Variants in MOV10L1 observed in about 807,000 individuals in gnomAD.
MOV10L1 encodes the protein Mov10 like RNA helicase 1, also known as RNA helicase Mov10l1.
Under a neutral mutation model 143.8 loss-of-function variants are expected in MOV10L1, and 110 were observed. That is an observed-to-expected ratio of 0.76 (90% CI 0.66 to 0.90). The LOEUF (loss-of-function observed/expected upper bound fraction) is 0.90, where lower values mean the gene tolerates loss of function less well. MOV10L1 is among the 40% of genes least tolerant of loss of function. MOV10L1 has a pLI of 0.00. For synonymous variants in MOV10L1, 593 were observed against 581.1 expected (o/e 1.02, Z -0.29); for missense variants, 1,406 against 1,526.8 (o/e 0.92, Z 1.32).
chr22:50,090,597 C>G, intron 1 of MOV10L1: 1 of 1,509,814 alleles, frequency 6.6e-7, no homozygotes, highest in East Asian at 2.4e-5. Flanking sequence ...GTGCCATTTC[C>G]TTGTCTGGTT....
At chr22:50,098,090 A>G (rs902950493) in intron 2 of MOV10L1, among the ~76,000 whole-genome samples, 10 of 151,848 alleles carry the variant, frequency 6.6e-5, no homozygotes, top group Admixed American at 3.9e-4. Context: ...ACCTGCCTCA[A>G]CCTCCCAAAG....
At chr22:50,144,650 C>T (rs374936068) in intron 18 of MOV10L1, among the ~76,000 whole-genome samples, 6 of 150,832 alleles carry the variant, frequency 4.0e-5, no homozygotes, top group Non-Finnish European at 8.9e-5. Context: ...GGCATGATCT[C>T]GGCTCACTGC....
At position 50,150,615 on chromosome 22, in the gene MOV10L1, G is replaced by T. The variant is rs568483968; in HGVS notation, c.2728-120G>T. On this transcript the variant is annotated intron_variant, in intron 20 of 26. Coordinates refer to ENST00000262794, the MANE Select transcript of MOV10L1 (RefSeq NM_018995.3). ...CCCTGGTCTCCCAGTCCCTCCCGTC[G>T]TCCCCTGCAGCAAGAGTGAGCATGG... 3 of 1,151,660 alleles carry T rather than the reference G, an allele frequency of 2.6e-6. No homozygotes were observed. The Admixed American group carries it at 7.0e-5, about 27-fold the overall frequency. The allele number at this position is 1,151,660 out of a possible 1,614,324, so 71.3% of individuals were successfully genotyped here.
chr22:50,150,353 G>A (rs1440505937), intron 20 of MOV10L1, among the ~76,000 whole-genome samples: 2 of 152,218 alleles, frequency 1.3e-5, no homozygotes, highest in African/African-American at 4.8e-5. Flanking sequence ...AGGGCGGCCT[G>A]ACCAGGTCAA....
chr22:50,108,279 G>A, intron 4 of MOV10L1, 31 bp downstream of exon 4: 2 of 1,576,036 alleles, frequency 1.3e-6, no homozygotes, highest in South Asian at 2.3e-5. Context: ...TCCTCTCTGT[G>A]CTTCTGGCAG....
chr22:50,111,703 C>T (rs188941366), intron 5 of MOV10L1, among the ~76,000 whole-genome samples: 363 of 151,982 alleles, frequency 2.4e-3, no homozygotes, highest in Non-Finnish European at 4.2e-3. Context: ...CGGGGTTTCA[C>T]CGTGTTAGCC....
intron 26 of MOV10L1, 52 bp downstream of exon 26, chr22:50,161,107 C>A: frequency 6.4e-7 from 1 of 1,551,290 alleles, no homozygotes; most frequent in South Asian, 1.1e-5. Flanking sequence ...AGAACGTGCT[C>A]TAGCCTGCCC....
intron 2 of MOV10L1, among the ~76,000 whole-genome samples, chr22:50,098,190 C>A (rs1157554954): frequency 1.0e-5 from 1 of 95,962 alleles, no homozygotes; most frequent in South Asian, 3.8e-4. Context: ...ATAATTAAGT[C>A]TAAGATTGTC....
chr22:50,148,669 T>C (rs1039835632), intron 19 of MOV10L1, among the ~76,000 whole-genome samples: 5 of 151,350 alleles, frequency 3.3e-5, no homozygotes, highest in African/African-American at 1.2e-4. Context: ...TTTTCTTTTT[T>C]TTTTTTTTTT....
Position 50,120,674 on chromosome 22 carries a change from G to T in MOV10L1, c.1569+58G>T, listed in dbSNP as rs2062314157. 3.2e-6 allele frequency: 4 copies of T among 1,254,516 alleles called. No individual in the cohort carries two copies. The Admixed American group carries it at 7.8e-5, about 24-fold the overall frequency. 77.7% of individuals were successfully genotyped at this position (1,254,516 alleles called of 1,614,324 possible). ...GCATCTTCTAATGCTCTTGTTTTCTGACAAAGCCAGGAGGTTCCTTCTCAG... is the reference window on the plus strand; with the variant it reads ...GCATCTTCTAATGCTCTTGTTTTCTTACAAAGCCAGGAGGTTCCTTCTCAG... On this transcript the variant is annotated intron_variant, in intron 10 of 26. Transcript: ENST00000262794.
Position 50,090,158 on chromosome 22 carries a change from G to C in MOV10L1, c.70G>C (p.Gly24Arg). 7.0e-7 allele frequency: 1 copy of C among 1,420,438 alleles called. No individual in the cohort carries two copies. The highest frequency in any genetic ancestry group is 9.2e-7 in the Non-Finnish European group (1 of 1,089,040). The allele number at this position is 1,420,438 out of a possible 1,614,324, so 88.0% of individuals were successfully genotyped here. A position where few individuals can be genotyped will look rare whatever the true frequency, so the allele number is the denominator to read the frequency against. The change falls in exon 1 of 27, where the codon GGG (glycine) becomes CGG (arginine). Residue 24 changes from glycine to arginine, a missense_variant. By Grantham distance (125) the Gly-to-Arg change is moderately radical. Transcript: ENST00000262794. ...GGCGGACACCCCTAGGGAGGAAGCC[G>C]GGCAGCTGGAGCCCGAGCTCGCGGA... is the stretch of plus-strand genomic sequence containing the variant. ...RTADTPREEA[G>R]QLEPELAEGD...
intron 15 of MOV10L1, among the ~76,000 whole-genome samples, chr22:50,136,197 CA>C (rs2062820110): frequency 1.3e-5 from 2 of 152,032 alleles, no homozygotes; most frequent in African/African-American, 4.8e-5. Flanking sequence ...CTTCCTTGGA[CA>C]GTGCTTTTCT....
chr22:50,159,614 G>T lies in MOV10L1; in HGVS notation c.3217-64G>T. On this transcript the variant is annotated intron_variant, in intron 23 of 26. Coordinates refer to ENST00000262794, the MANE Select transcript of MOV10L1 (RefSeq NM_018995.3). This position sits in a 1 kb window ranked among gnomAD's most constrained non-coding sequence, Gnocchi z 4.1. ...AATACTCCATCTCAAAAAAAAAAAA[G>T]GAAAAGAAAAGAAATGGATTTGTAC... 1.8e-6 allele frequency: 2 copies of T among 1,110,078 alleles called. No homozygotes were observed. 68.8% of individuals were successfully genotyped at this position (1,110,078 alleles called of 1,614,324 possible).
At chr22:50,134,716 G>A (rs576278516) in intron 15 of MOV10L1, 86 bp downstream of exon 15, 23 of 1,162,446 alleles carry the variant, frequency 2.0e-5, no homozygotes, top group Non-Finnish European at 1.5e-5. Context: ...TCAGCGGCGT[G>A]ACTGTCTCTA....
In MOV10L1 at chr22:50,091,865, A is replaced by G. The variant is rs571686503; in HGVS notation, c.98-136A>G. ...CTCTGATGGGATTCTCTCTGTCTCA[A>G]GTCAGCCCGTTCGGAGTCAGTGCCT... On this transcript the variant is annotated intron_variant, in intron 1 of 26. Coordinates refer to ENST00000262794, the MANE Select transcript of MOV10L1 (RefSeq NM_018995.3). 25 of 753,732 alleles carry G rather than the reference A, an allele frequency of 3.3e-5. No homozygotes were observed. The African/African-American group carries it at 3.9e-4, about 12-fold the overall frequency. The allele number at this position is 753,732 out of a possible 1,614,324, so 46.7% of individuals were successfully genotyped here.
At position 50,134,677 on chromosome 22, in the gene MOV10L1, G is replaced by A. The variant is rs193023657; in HGVS notation, c.2070+47G>A. On this transcript the variant is annotated intron_variant, in intron 15 of 26. Transcript: ENST00000262794. The stretch of plus-strand genomic sequence containing the variant: ...TTCTCTACACAGGGGATGGCTCAGC[G>A]ACGTGGCTGTCTTTACATAGGGGGT... 357 of 1,546,650 alleles carry A rather than the reference G, an allele frequency of 2.3e-4. 2 individuals carry two copies. The African/African-American group carries it at 4.1e-3, about 18-fold the overall frequency.
rs199926699 is a variant in MOV10L1 at position 50,153,040 on chromosome 22, C to T, written c.2893-5C>T. 183 of 1,593,390 alleles carry T rather than the reference C, an allele frequency of 1.1e-4. No homozygotes were observed. Among genetic ancestry groups the T allele is most frequent in the South Asian group, 3.2e-4 (29 of 89,884 alleles). The stretch of plus-strand genomic sequence containing the variant: ...CCCTTGTGACCCATCACCATCTCCT[C>T]GCAGGTCACAAAGCTGGTGAAGAAC... On this transcript the variant is annotated splice_polypyrimidine_tract_variant and splice_region_variant and intron_variant, in intron 21 of 26. Transcript: ENST00000262794.
At chr22:50,115,677 A>T (rs2062154050) in intron 8 of MOV10L1, among the ~76,000 whole-genome samples, 1 of 152,210 alleles carries the variant, frequency 6.6e-6, no homozygotes. Flanking sequence ...CGCACGACTC[A>T]TGAGGGTCCT....
chr22:50,160,978 T>C lies in MOV10L1; in HGVS notation c.3477T>C (p.Gly1159=), dbSNP rs1215624944. 6.2e-7 allele frequency: 1 copy of C among 1,614,078 alleles called. No individual in the cohort carries two copies. Residue 1159 remains glycine, a synonymous_variant, in exon 26 of 27, where the codon GGT becomes GGC. Transcript: ENST00000262794. ...PHVLVRDPCF[G]ALLEYSITNG... ...ATTGCCAACAGGACCCCTGTTTTGG[T>C]GCTTTGCTGGAATACAGTATTACAA...
Sources: allele counts gnomAD v4.1 joint callset (sites outside exome capture counted in the v4.1 genomes callset), GRCh38; gene constraint gnomAD v4.1.1; non-coding constraint Gnocchi (gnomAD v3.1); transcripts MANE v1.5; gene names NCBI Gene and HGNC (gene_info 2026-07-23, HGNC 2026-07-21).